Variants in TEC observed in about 807,000 individuals in gnomAD.
TEC encodes the protein tyrosine-protein kinase Tec.
TEC carries 72 observed loss-of-function variants against 93.0 expected under a neutral mutation model. The ratio of observed to expected loss-of-function variants is 0.77; its 90% CI spans 0.64 to 0.94. TEC has a LOEUF of 0.94. Among genes scored for constraint, TEC ranks in the 40% least tolerant of loss-of-function variants. The pLI is 0.00. For synonymous variants in TEC, 249 were observed against 247.7 expected, an observed-to-expected ratio of 1.01 and a Z score of -0.05; for missense variants, 630 against 757.9, an observed-to-expected ratio of 0.83 and a Z score of 1.98.
chr4:48,179,429 G>A (rs891080729), intron 2 of TEC, among the ~76,000 whole-genome samples: 3 of 128,346 alleles, frequency 2.3e-5, no homozygotes, highest in Non-Finnish European at 3.1e-5. Context: ...TGTCACCCAG[G>A]CTGGAGTGGA....
In TEC at chr4:48,136,080, T is replaced by A. The variant is rs937312445; in HGVS notation, c.*1336A>T. On this transcript the variant is annotated 3_prime_UTR_variant, in exon 18 of 18. Transcript: ENST00000381501. ...ACAGCAAGAATAACGTGTTGGGCAATAAACGGTCTCTGGATGACTGATACA... is the reference window on the plus strand; with the variant it reads ...ACAGCAAGAATAACGTGTTGGGCAAAAAACGGTCTCTGGATGACTGATACA... 2.0e-5 allele frequency: 3 copies of A among 152,214 alleles called. No individual in the cohort carries two copies. The South Asian group carries it at 6.2e-4, about 31-fold the overall frequency. The allele number at this position is 152,214 out of a possible 1,614,324, so 9.4% of individuals were successfully genotyped here. A position where few individuals can be genotyped will look rare whatever the true frequency, so the allele number is the denominator to read the frequency against.
In TEC at chr4:48,145,479, T is replaced by C. The variant is rs1560373809; in HGVS notation, c.1182A>G (p.Lys394=). Residue 394 remains lysine (K), a synonymous_variant, in exon 13 of 18, where the codon AAA becomes AAG. Coordinates refer to ENST00000381501, the MANE Select transcript of TEC (RefSeq NM_003215.3). ...CTTCCCGAATAGCTTTGATTGCGAC[T>C]TTGTACTGGGCTCGCCATTTGCCAA... is the stretch of plus-strand genomic sequence containing the variant. ...VRLGKWRAQY[K]VAIKAIREGA... The C allele has an allele frequency of 1.2e-6, 2 of 1,614,044 alleles. No homozygotes were observed. The highest frequency in any genetic ancestry group is 2.7e-5 in the African/African-American group (2 of 74,912).
chr4:48,159,085 A>G (rs1487374521), intron 8 of TEC, among the ~76,000 whole-genome samples: 1 of 126,904 alleles, frequency 7.9e-6, no homozygotes, highest in African/African-American at 4.4e-5. Context: ...CCAGGCAAGA[A>G]AAAAAAAAAA....
intron 8 of TEC, among the ~76,000 whole-genome samples, chr4:48,158,501 T>C (rs1449127541): frequency 6.6e-6 from 1 of 152,172 alleles, no homozygotes; most frequent in South Asian, 2.1e-4. Flanking sequence ...TCCACTGATA[T>C]AAGAAACATT....
chr4:48,215,111 C>A (rs1723031419), intron 2 of TEC, among the ~76,000 whole-genome samples: 1 of 152,056 alleles, frequency 6.6e-6, no homozygotes. Flanking sequence ...CAAGATCATG[C>A]CATTGCACTC....
chr4:48,247,736 G>C (rs1178102886), intron 1 of TEC, among the ~76,000 whole-genome samples: 1 of 152,070 alleles, frequency 6.6e-6, no homozygotes, highest in Admixed American at 6.6e-5. Context: ...GGAGGTGTGG[G>C]GTTTCTTTCT....
chr4:48,178,214 C>T (rs577031195), intron 2 of TEC, among the ~76,000 whole-genome samples: 1 of 152,072 alleles, frequency 6.6e-6, no homozygotes, highest in Non-Finnish European at 1.5e-5. Context: ...CCTCAAACTA[C>T]CAGTGCCCTC....
chr4:48,140,505 A>G (rs1164608007), intron 15 of TEC, among the ~76,000 whole-genome samples: 1 of 152,140 alleles, frequency 6.6e-6, no homozygotes, highest in African/African-American at 2.4e-5. Context: ...TCTCTATTAC[A>G]GGGATCAGTC....
intron 2 of TEC, among the ~76,000 whole-genome samples, chr4:48,221,243 T>C (rs1196750899): frequency 2.0e-5 from 3 of 152,208 alleles, no homozygotes; most frequent in African/African-American, 4.8e-5. Context: ...TCATCTTGAA[T>C]TGTAGTTCCC....
At chr4:48,198,225 C>T (rs1376498437) in intron 2 of TEC, among the ~76,000 whole-genome samples, 5 of 152,204 alleles carry the variant, frequency 3.3e-5, no homozygotes, top group African/African-American at 1.2e-4. Flanking sequence ...AAGTCAGGCT[C>T]CCGGCGCCAG....
Position 48,156,666 on chromosome 4 carries a change from G to A in TEC, c.792+14C>T. 1.2e-6 allele frequency: 2 copies of A among 1,607,274 alleles called. No individual in the cohort carries two copies. The highest frequency in any genetic ancestry group is 1.1e-5 in the South Asian group (1 of 89,430). ...ATTTGCCCTTAAGCCAAACCCACAA[G>A]TACAAACACTTACTTCACTGCGGAG... On this transcript the variant is annotated intron_variant, in intron 9 of 17. Coordinates refer to ENST00000381501, the MANE Select transcript of TEC (RefSeq NM_003215.3).
chr4:48,243,414 C>T (rs1483552473), intron 1 of TEC, among the ~76,000 whole-genome samples: 3 of 152,206 alleles, frequency 2.0e-5, no homozygotes, highest in Non-Finnish European at 4.4e-5. Context: ...GATACCAACT[C>T]TAAAGGATTG....
rs1721051550 is a variant in TEC at position 48,170,376 on chromosome 4, T to C, written c.326A>G (p.Glu109Gly). 6 of 1,375,050 alleles carry C rather than the reference T, an allele frequency of 4.4e-6. No individual in the cohort carries two copies. Among genetic ancestry groups the C allele is most frequent in the Non-Finnish European group, 6.1e-6 (6 of 977,488 alleles). 85.2% of individuals were successfully genotyped at this position (1,375,050 alleles called of 1,614,324 possible). Residue 109 changes from glutamate to glycine, a missense_variant and splice_region_variant, in exon 5 of 18, where the codon GAA becomes GGA. By Grantham distance (98) the Glu-to-Gly change is moderately conservative. Around this residue, in one of 3 missense-constraint regions of TEC, gnomAD observed 335 missense variants for 351.5 expected, o/e 0.95. Transcript: ENST00000381501. ...CATAATATTATTGTTGTTCTTTATT[T>C]CTGTAATTCACAGATATAGTAATTA... ...RDLWVKKLKE[E>G]IKNNNNIMIK...
intron 5 of TEC, 91 bp from the exon 6 acceptor site, chr4:48,168,717 G>A (rs1407663161): frequency 5.9e-6 from 8 of 1,362,050 alleles, no homozygotes; most frequent in African/African-American, 1.5e-5. Context: ...AAAAGTGGAA[G>A]TTAACACATA....
rs768669445 is a variant in TEC at position 48,171,349 on chromosome 4, A to G, written c.325+19T>C. The stretch of plus-strand genomic sequence containing the variant: ...ATCTCCTAAAATTATATACAGAGTA[A>G]TATTTCATTGAGTTTTACCTTCTTT... On this transcript the variant is annotated intron_variant, in intron 4 of 17. Transcript: ENST00000381501. The G allele has an allele frequency of 1.3e-6, 2 of 1,597,816 alleles. No individual in the cohort carries two copies. The highest frequency in any genetic ancestry group is 1.7e-6 in the Non-Finnish European group (2 of 1,168,746).
rs1721043510 is a variant in TEC at position 48,170,176 on chromosome 4, T to C, written c.454+72A>G. 19 of 1,290,146 alleles carry C rather than the reference T, an allele frequency of 1.5e-5. No individual in the cohort carries two copies. The Admixed American group carries it at 3.8e-4, about 26-fold the overall frequency. The allele number at this position is 1,290,146 out of a possible 1,614,324, so 79.9% of individuals were successfully genotyped here. ...TGTGCTGTACTTAATCAAAACCATG[T>C]CACTTTCTTACCATACCAATAATAC... On this transcript the variant is annotated intron_variant, in intron 5 of 17. Transcript: ENST00000381501.
intron 2 of TEC, among the ~76,000 whole-genome samples, chr4:48,194,758 C>T (rs1722233987): frequency 6.6e-6 from 1 of 152,140 alleles, no homozygotes; most frequent in South Asian, 2.1e-4. Context: ...GTGAATTGCC[C>T]ATCAACTCTC....
intron 2 of TEC, among the ~76,000 whole-genome samples, chr4:48,207,703 A>T (rs554411187): frequency 1.5e-4 from 23 of 151,804 alleles, no homozygotes; most frequent in Admixed American, 5.3e-4. Flanking sequence ...TGGGAGGATC[A>T]CCTGAGCCCG....
At chr4:48,254,874 G>A (rs1724299975) in intron 1 of TEC, among the ~76,000 whole-genome samples, 2 of 151,794 alleles carry the variant, frequency 1.3e-5, no homozygotes, top group Non-Finnish European at 2.9e-5. Flanking sequence ...CTAGGGCAGG[G>A]CTTACTGACC....
Sources: gnomAD v4.1 joint callset for allele counts (sites outside exome capture counted in the v4.1 genomes callset) on GRCh38, gnomAD v4.1.1 for gene constraint, gnomAD v4.1.1 regional missense constraint, MANE v1.5 for transcripts, NCBI Gene and HGNC (gene_info 2026-07-23, HGNC 2026-07-21) for gene names.